The following PHTF2 variants were observed in gnomAD, a reference collection of about 807,000 sequenced individuals.
The protein encoded by PHTF2 is putative homeodomain transcription factor 2.
In PHTF2, 60 loss-of-function variants were observed where a neutral mutation model predicts 101.2. The observed-to-expected ratio is 0.59, with a 90% CI of 0.48 to 0.73. PHTF2 has a LOEUF of 0.73. Among genes scored for constraint, PHTF2 ranks in the 30% least tolerant of loss-of-function variants. PHTF2 has a pLI of 0.00. For missense variants in PHTF2, 747 were observed against 908.7 expected, an observed-to-expected ratio of 0.82 and a Z score of 2.29; for synonymous variants, 311 against 307.3, an observed-to-expected ratio of 1.01 and a Z score of -0.13.
At chr7:77,886,274 T>C (rs1799840325) in intron 3 of PHTF2, among the ~76,000 whole-genome samples, 1 of 152,220 alleles carries the variant, frequency 6.6e-6, no homozygotes, top group South Asian at 2.1e-4. Context: ...ATACTTCTTT[T>C]CTAAAATTCC....
At chr7:77,949,654 A>G (rs1806370304) in intron 16 of PHTF2, 24 bp from the exon 16 acceptor site, 1 of 1,414,414 alleles carries the variant, frequency 7.1e-7, no homozygotes, top group Non-Finnish European at 9.7e-7. Context: ...TTGCTGCTTT[A>G]TGTTACCTTT....
chr7:77,820,070 G>A (rs534741516), intron 1 of PHTF2, among the ~76,000 whole-genome samples: 1 of 152,212 alleles, frequency 6.6e-6, no homozygotes, highest in African/African-American at 2.4e-5. Context: ...TGTATTTTTA[G>A]TAGAGACTGG....
At chr7:77,849,400 G>A (rs1796561877) in intron 2 of PHTF2, among the ~76,000 whole-genome samples, 2 of 151,994 alleles carry the variant, frequency 1.3e-5, no homozygotes, top group Admixed American at 6.6e-5. Context: ...GGCCTCCTAA[G>A]TTGCTAGGAT....
chr7:77,944,984 A>G (rs779167121), intron 16 of PHTF2, among the ~76,000 whole-genome samples: 1 of 152,232 alleles, frequency 6.6e-6, no homozygotes, highest in African/African-American at 2.4e-5. Flanking sequence ...AGAGATAAAG[A>G]GACAGAAAAT....
chr7:77,923,693 T>C, intron 11 of PHTF2: 1 of 985,422 alleles, frequency 1.0e-6, no homozygotes, highest in Non-Finnish European at 1.2e-6. Context: ...CTAAGCCAGA[T>C]AACCAAGCTT....
At chr7:77,824,152 G>A (rs1794523736) in intron 1 of PHTF2, among the ~76,000 whole-genome samples, 1 of 152,002 alleles carries the variant, frequency 6.6e-6, no homozygotes, top group African/African-American at 2.4e-5. Context: ...TGATAGTGGT[G>A]GGAGGTGGGA....
intron 3 of PHTF2, among the ~76,000 whole-genome samples, chr7:77,870,432 G>A (rs1033585858): frequency 2.0e-5 from 3 of 152,138 alleles, no homozygotes; most frequent in East Asian, 1.9e-4. Flanking sequence ...CTTGGAATCC[G>A]CTGTTCAAGG....
intron 3 of PHTF2, among the ~76,000 whole-genome samples, chr7:77,883,088 A>G (rs527743171): frequency 1.3e-5 from 2 of 152,262 alleles, no homozygotes; most frequent in African/African-American, 4.8e-5. Flanking sequence ...ATTAGGAGCA[A>G]TTTCAGGATT....
intron 16 of PHTF2, among the ~76,000 whole-genome samples, chr7:77,944,396 A>G (rs1368723458): frequency 2.0e-5 from 3 of 152,226 alleles, no homozygotes; most frequent in Non-Finnish European, 2.9e-5. Context: ...CTGACTCTGG[A>G]TGACAAGGAC....
At chr7:77,853,348 C>CA (rs140181745) in intron 2 of PHTF2, among the ~76,000 whole-genome samples, 17,601 of 151,560 alleles carry the variant, frequency 0.12, 1,545 homozygotes, top group African/African-American at 0.24. Context: ...CTGCTGTTGA[C>CA]AGACTTTGAT....
rs753572758 is a variant in PHTF2 at position 77,929,322 on chromosome 7, C to T, written c.1333C>T (p.His445Tyr). Residue 445 changes from histidine (H) to tyrosine (Y), a missense_variant, in exon 12 of 20, where the codon CAT becomes TAT. By Grantham distance (83) the His-to-Tyr change is moderately conservative. This residue lies in a region of PHTF2 where 349 missense variants were observed against 369.7 expected (regional missense o/e 0.94). Transcript: ENST00000416283. ...AAAAGAATATAGAGATGACCCTTTT[C>T]ATCAGGTTGGTTTATGGTTTTGGCT... is the stretch of plus-strand genomic sequence containing the variant. 1.1e-5 allele frequency: 17 copies of T among 1,574,058 alleles called. No individual in the cohort carries two copies. In the Middle Eastern group the frequency reaches 1.7e-3, roughly 155 times the overall value.
At chr7:77,923,752 G>A (rs768521119) in intron 11 of PHTF2, 7 of 984,740 alleles carry the variant, frequency 7.1e-6, no homozygotes, top group Admixed American at 1.2e-4. Context: ...GTTGGTGCTG[G>A]AAGGGAGACG....
chr7:77,883,095 G>A (rs1799547787), intron 3 of PHTF2, among the ~76,000 whole-genome samples: 1 of 152,068 alleles, frequency 6.6e-6, no homozygotes, highest in South Asian at 2.1e-4. Flanking sequence ...GCAATTTCAG[G>A]ATTCAGAGAT....
At chr7:77,832,940 G>C (rs1795182357) in intron 1 of PHTF2, among the ~76,000 whole-genome samples, 1 of 152,074 alleles carries the variant, frequency 6.6e-6, no homozygotes, top group African/African-American at 2.4e-5. Flanking sequence ...TGCTAAAAAA[G>C]GTTGGGGACT....
At chr7:77,801,779 A>G (rs749446023) in intron 1 of PHTF2, among the ~76,000 whole-genome samples, 1 of 152,228 alleles carries the variant, frequency 6.6e-6, no homozygotes, top group Non-Finnish European at 1.5e-5. Flanking sequence ...TACAAAATCC[A>G]AAATCCAAAA....
intron 1 of PHTF2, among the ~76,000 whole-genome samples, chr7:77,828,371 T>A (rs1243088856): frequency 6.6e-6 from 1 of 152,196 alleles, no homozygotes; most frequent in Admixed American, 6.5e-5. Context: ...AGTAAATTAA[T>A]TCATCTGTGG....
intron 9 of PHTF2, among the ~76,000 whole-genome samples, chr7:77,910,841 C>T (rs1164309424): frequency 6.6e-6 from 1 of 152,054 alleles, no homozygotes; most frequent in East Asian, 1.9e-4. Flanking sequence ...TGGGGTTTTA[C>T]CATATTGGCC....
intron 7 of PHTF2, among the ~76,000 whole-genome samples, chr7:77,907,115 A>G (rs1801939172): frequency 6.6e-6 from 1 of 152,184 alleles, no homozygotes; most frequent in Non-Finnish European, 1.5e-5. Flanking sequence ...GCTCAAAAAC[A>G]TTAAAGAACT....
chr7:77,799,394 G>C (rs1792343681), intron 1 of PHTF2, among the ~76,000 whole-genome samples: 1 of 152,192 alleles, frequency 6.6e-6, no homozygotes, highest in African/African-American at 2.4e-5. Flanking sequence ...AGCCCGGCTG[G>C]CGGGGAGATG....
Sources: gnomAD v4.1 joint callset for allele counts (sites outside exome capture counted in the v4.1 genomes callset) on GRCh38, gnomAD v4.1.1 for gene constraint, gnomAD v4.1.1 regional missense constraint, MANE v1.5 for transcripts, NCBI Gene and HGNC (gene_info 2026-07-23, HGNC 2026-07-21) for gene names.